Variants in TRERF1 observed in about 807,000 individuals in gnomAD.
TRERF1 encodes the protein transcriptional-regulating factor 1.
In TRERF1, 27 loss-of-function variants were observed where a neutral mutation model predicts 122.9. The ratio of observed to expected loss-of-function variants is 0.22; its 90% CI spans 0.16 to 0.30. TRERF1 has a LOEUF of 0.30. Among genes scored for constraint, TRERF1 ranks in the 10% least tolerant of loss-of-function variants. TRERF1 has a pLI of 1.00. For missense variants in TRERF1, 1,248 were observed against 1,560.3 expected (o/e 0.80, Z 3.37); for synonymous variants, 636 against 641.7 (o/e 0.99, Z 0.13).
At chr6:42,395,396 G>T (rs1778424448) in intron 2 of TRERF1, among the ~76,000 whole-genome samples, 1 of 152,146 alleles carries the variant, frequency 6.6e-6, no homozygotes. Flanking sequence ...GCAGTATTCA[G>T]TTCTCAGGAA....
intron 16 of TRERF1, among the ~76,000 whole-genome samples, chr6:42,235,630 A>T (rs1396835781): frequency 3.9e-5 from 6 of 152,192 alleles, no homozygotes; most frequent in African/African-American, 1.4e-4. Context: ...ACTTTTAGTA[A>T]ATCTTTTTTT....
At position 42,268,281 on chromosome 6, in the gene TRERF1, G is replaced by C. The variant is rs202024095; in HGVS notation, c.1310C>G (p.Ala437Gly). Residue 437 changes from alanine to glycine, a missense_variant, in exon 5 of 18, where the codon GCG (alanine) becomes GGG (glycine). Transcript: ENST00000372922. The surrounding 1 kb of genome is among the most constrained non-coding windows in gnomAD (Gnocchi z 4.4). Reference sequence around the variant, plus strand: ...GCTGACCCGGGTCAGATCTGAGCTCGCTGGGTCTCCCATTCCTGTGTCAGG... The same window carrying C: ...GCTGACCCGGGTCAGATCTGAGCTCCCTGGGTCTCCCATTCCTGTGTCAGG... 1.6e-5 allele frequency: 24 copies of C among 1,510,316 alleles called. No individual in the cohort carries two copies. Among genetic ancestry groups the C allele is most frequent in the Non-Finnish European group, 2.0e-5 (23 of 1,130,514 alleles). 93.6% of individuals were successfully genotyped at this position (1,510,316 alleles called of 1,614,324 possible). A position where few individuals can be genotyped will look rare whatever the true frequency, so the allele number is the denominator to read the frequency against.
chr6:42,384,736 T>C (rs1483799731), intron 2 of TRERF1, among the ~76,000 whole-genome samples: 2 of 152,186 alleles, frequency 1.3e-5, no homozygotes, highest in African/African-American at 4.8e-5. Flanking sequence ...AAATCCTCTA[T>C]TCCTATAAGT....
At chr6:42,261,986 G>A (rs112444834) in intron 8 of TRERF1, among the ~76,000 whole-genome samples, 1,669 of 151,988 alleles carry the variant, frequency 0.011, 14 homozygotes, top group Non-Finnish European at 0.017. Flanking sequence ...TGAAGGGGTG[G>A]GGGGGGTGTG....
At chr6:42,385,544 T>C (rs1315599774) in intron 2 of TRERF1, among the ~76,000 whole-genome samples, 1 of 152,122 alleles carries the variant, frequency 6.6e-6, no homozygotes, top group Non-Finnish European at 1.5e-5. Flanking sequence ...TGCCTCCAAG[T>C]ACTATCAGCT....
At chr6:42,404,693 CCTACCGT>C (rs1289495138) in intron 2 of TRERF1, among the ~76,000 whole-genome samples, 1 of 151,974 alleles carries the variant, frequency 6.6e-6, no homozygotes, top group African/African-American at 2.4e-5. Context: ...GCCTCTTGAT[CCTACCGT>C]CTAACCGCTC....
intron 12 of TRERF1, 54 bp downstream of exon 12, chr6:42,256,674 C>G: frequency 6.5e-7 from 1 of 1,533,192 alleles, no homozygotes; most frequent in East Asian, 2.3e-5. Context: ...AATATTGAAA[C>G]TTGGGAAAAT....
intron 3 of TRERF1, among the ~76,000 whole-genome samples, chr6:42,316,928 T>A (rs1000297823): frequency 6.6e-6 from 1 of 152,154 alleles, no homozygotes; most frequent in African/African-American, 2.4e-5. Flanking sequence ...ATAGATAACA[T>A]CACTATTGTA....
chr6:42,343,525 G>A (rs1359140156), intron 3 of TRERF1, among the ~76,000 whole-genome samples: 2 of 152,166 alleles, frequency 1.3e-5, no homozygotes, highest in East Asian at 1.9e-4. Flanking sequence ...GTTGTAGGGG[G>A]AGCCTGCTGA....
chr6:42,302,700 G>A (rs897707211), intron 3 of TRERF1, among the ~76,000 whole-genome samples: 12 of 152,218 alleles, frequency 7.9e-5, no homozygotes, highest in African/African-American at 1.4e-4. Context: ...GGGAATAACT[G>A]TTTATGTACA....
Position 42,393,728 on chromosome 6 carries a change from T to C in TRERF1, c.-453-30649A>G, listed in dbSNP as rs1778126109. On this transcript the variant is annotated intron_variant, in intron 2 of 17. Coordinates refer to ENST00000372922, the Ensembl canonical transcript of TRERF1. This position sits in a 1 kb window ranked among gnomAD's most constrained non-coding sequence, Gnocchi z 4.1. ...ACTAAATATAGGGGAGCTGGTTAAA[T>C]AAGTTATAGAACTTCCGCATAATAG... Among the ~76,000 whole-genome samples the C allele has an allele frequency of 6.6e-6, 1 of 152,222 alleles. No homozygotes were observed. The highest frequency in any genetic ancestry group is 1.5e-5 in the Non-Finnish European group (1 of 68,028).
At chr6:42,255,264 G>C (rs1438110387) in intron 12 of TRERF1, among the ~76,000 whole-genome samples, 19 of 152,184 alleles carry the variant, frequency 1.2e-4, no homozygotes, top group Admixed American at 1.2e-3. Flanking sequence ...AAGATTCCTA[G>C]GAAATGAGTG....
rs956173955 is a variant in TRERF1 at position 42,409,347 on chromosome 6, C to A, written c.-454+41830G>T. ...ATTGTACTGATCTTCCATTTTCCTG[C>A]TTTATCCTACTATTGTACAATTTTA... On this transcript the variant is annotated intron_variant, in intron 2 of 17. Coordinates refer to ENST00000372922, the Ensembl canonical transcript of TRERF1. 2.0e-5 allele frequency among the ~76,000 whole-genome samples: 3 copies of A among 152,136 alleles called. No homozygotes were observed. The South Asian group carries it at 6.2e-4, about 31-fold the overall frequency.
intron 2 of TRERF1, among the ~76,000 whole-genome samples, chr6:42,417,002 C>T (rs926266979): frequency 6.6e-6 from 1 of 152,036 alleles, no homozygotes; most frequent in Non-Finnish European, 1.5e-5. Flanking sequence ...TAGCCTCCAC[C>T]CCAAACCTTA....
In TRERF1 at chr6:42,233,531, C is replaced by T. The variant is rs557988636; in HGVS notation, c.3067-639G>A. Among the ~76,000 whole-genome samples the T allele has an allele frequency of 7.9e-5, 12 of 151,994 alleles. No homozygotes were observed. The South Asian group carries it at 1.7e-3, about 21-fold the overall frequency. On this transcript the variant is annotated intron_variant, in intron 16 of 17. Coordinates refer to ENST00000372922, the Ensembl canonical transcript of TRERF1. ...CGATCTCCTGACCTTGTGATCTGCC[C>T]GCCTTGGCCTCCCAAAGTGCTGGGA... is the stretch of plus-strand genomic sequence containing the variant.
At chr6:42,347,228 A>G (rs1325774712) in intron 3 of TRERF1, among the ~76,000 whole-genome samples, 2 of 152,178 alleles carry the variant, frequency 1.3e-5, no homozygotes, top group Non-Finnish European at 2.9e-5. Flanking sequence ...TCCTTCTTAG[A>G]GCTTCAGTTC....
At chr6:42,392,403 A>C (rs897123493) in intron 2 of TRERF1, among the ~76,000 whole-genome samples, 1 of 152,194 alleles carries the variant, frequency 6.6e-6, no homozygotes, top group African/African-American at 2.4e-5. Flanking sequence ...TTTAGGACGT[A>C]CCTGGGACAC....
At chr6:42,376,817 A>C (rs899992274) in intron 2 of TRERF1, among the ~76,000 whole-genome samples, 2 of 151,872 alleles carry the variant, frequency 1.3e-5, no homozygotes, top group African/African-American at 4.8e-5. Flanking sequence ...CTGGGATTAC[A>C]GGCGTGAGCC....
chr6:42,415,188 A>T (rs954802929), intron 2 of TRERF1, among the ~76,000 whole-genome samples: 3 of 152,162 alleles, frequency 2.0e-5, no homozygotes, highest in Admixed American at 1.3e-4. Flanking sequence ...AACCACTTAC[A>T]CTTCTTTTCT....
Sources: gnomAD v4.1 joint callset for allele counts (sites outside exome capture counted in the v4.1 genomes callset) on GRCh38, gnomAD v4.1.1 for gene constraint, Gnocchi (gnomAD v3.1) non-coding constraint, MANE v1.5 for transcripts, NCBI Gene and HGNC (gene_info 2026-07-23, HGNC 2026-07-21) for gene names.